The following ABCA4 variants were observed in gnomAD, a reference collection of about 807,000 sequenced individuals.
ABCA4 encodes the protein retinal-specific phospholipid-transporting ATPase ABCA4.
ABCA4 carries 196 observed loss-of-function variants against 263.7 expected under a neutral mutation model. The ratio of observed to expected loss-of-function variants is 0.74; its 90% CI spans 0.66 to 0.84. The LOEUF is 0.84. ABCA4 is among the 40% of genes least tolerant of loss of function. ABCA4 has a pLI of 0.00. For missense variants in ABCA4, 2,792 were observed against 2,855.1 expected (o/e 0.98, Z 0.50); for synonymous variants, 1,133 against 1,094.2 (o/e 1.04, Z -0.70).
chr1:94,030,615 C>T (rs1379676799), intron 28 of ABCA4, 89 bp from the exon 29 acceptor site: 2 of 1,288,446 alleles, frequency 1.6e-6, no homozygotes, highest in Non-Finnish European at 2.3e-6. Context: ...CTGCTGTGTG[C>T]CAGGTATGTA....
chr1:94,021,725 T>C lies in ABCA4; in HGVS notation c.4774-11A>G. The C allele has an allele frequency of 6.2e-7, 1 of 1,606,576 alleles. No homozygotes were observed. Among genetic ancestry groups the C allele is most frequent in the Non-Finnish European group, 8.5e-7 (1 of 1,176,036 alleles). ...TCTAGTGATAGGGCCCTAAAAACCA[T>C]GTAAACAAACAAACAAGACGGTTTT... On this transcript the variant is annotated splice_polypyrimidine_tract_variant and intron_variant, in intron 33 of 49. Coordinates refer to ENST00000370225, the MANE Select transcript of ABCA4 (RefSeq NM_000350.3).
chr1:93,995,087 A>T (rs1322177211), intron 49 of ABCA4, among the ~76,000 whole-genome samples: 1 of 151,374 alleles, frequency 6.6e-6, no homozygotes, highest in Non-Finnish European at 1.5e-5. Flanking sequence ...GTAAAAGCAA[A>T]CTTTCTGTAA....
In ABCA4 at chr1:94,062,627, T is replaced by G. The variant is rs1335801877; in HGVS notation, c.1887A>C (p.Pro629=). 2 of 1,613,644 alleles carry G rather than the reference T, an allele frequency of 1.2e-6. No homozygotes were observed. The highest frequency in any genetic ancestry group is 1.1e-5 in the South Asian group (1 of 91,062). Residue 629 remains proline, a synonymous_variant, in exon 13 of 50, where the codon CCA becomes CCC. Coordinates refer to ENST00000370225, the MANE Select transcript of ABCA4 (RefSeq NM_000350.3). ...ITRSQVQAEA[P]VGIYLQQMPY... The stretch of plus-strand genomic sequence containing the variant: ...GCATCTGCTGGAGGTAGATTCCAAC[T>G]GGAGCCTCCGCCTGCACCTGGCTCC...
At chr1:94,058,653 C>T (rs991250512) in intron 14 of ABCA4, among the ~76,000 whole-genome samples, 3 of 152,352 alleles carry the variant, frequency 2.0e-5, no homozygotes, top group East Asian at 1.9e-4. Flanking sequence ...TGAGCCACCA[C>T]GCCCAGCCTG....
chr1:94,091,576 ATC>A (rs1291965617), intron 6 of ABCA4, among the ~76,000 whole-genome samples: 19 of 120,218 alleles, frequency 1.6e-4, no homozygotes, highest in African/African-American at 5.4e-4. Context: ...GGCAAACATC[ATC>A]TCACACACAC....
intron 19 of ABCA4, 146 bp from the exon 20 acceptor site, chr1:94,044,890 G>C: frequency 1.7e-6 from 2 of 1,155,342 alleles, no homozygotes; most frequent in South Asian, 2.6e-5. Flanking sequence ...TAGCTGTGGG[G>C]CCCCCTTAGC....
Position 94,042,907 on chromosome 1 carries a change from A to T in ABCA4, c.3191-9T>A. 6.2e-7 allele frequency: 1 copy of T among 1,614,198 alleles called. No homozygotes were observed. The highest frequency in any genetic ancestry group is 8.5e-7 in the Non-Finnish European group (1 of 1,180,040). Reference sequence around the variant, plus strand: ...CTTTCTCTGCATGCCACCTGGAGGCACAAGAAGGACGGGAGAGTTAAGGGG... The same window carrying T: ...CTTTCTCTGCATGCCACCTGGAGGCTCAAGAAGGACGGGAGAGTTAAGGGG... On this transcript the variant is annotated splice_polypyrimidine_tract_variant and intron_variant, in intron 21 of 49. Coordinates refer to ENST00000370225, the MANE Select transcript of ABCA4 (RefSeq NM_000350.3).
chr1:94,047,178 GCC>G, intron 18 of ABCA4, 85 bp from the exon 19 acceptor site: 2 of 1,477,416 alleles, frequency 1.4e-6, no homozygotes, highest in Middle Eastern at 1.7e-4. Context: ...CTTGTATTCT[GCC>G]TATAACGTCA....
intron 11 of ABCA4, among the ~76,000 whole-genome samples, chr1:94,063,948 A>C (rs937006256): frequency 2.0e-5 from 3 of 150,900 alleles, no homozygotes; most frequent in South Asian, 2.1e-4. Flanking sequence ...AAAAAAAAAA[A>C]CCATTACCCA....
At chr1:94,099,046 C>T (rs1343959122) in intron 5 of ABCA4, 55 bp from the exon 6 acceptor site, 20 of 1,546,598 alleles carry the variant, frequency 1.3e-5, no homozygotes, top group African/African-American at 4.1e-5. Context: ...AAGACACCCA[C>T]GTCCTAACCC....
chr1:94,033,678 A>C (rs1660268563), intron 26 of ABCA4, among the ~76,000 whole-genome samples: 1 of 152,076 alleles, frequency 6.6e-6, no homozygotes, highest in Admixed American at 6.5e-5. Context: ...GACAGTTGTA[A>C]AGGGAATTGG....
At chr1:94,047,117 G>A (rs1660708821) in intron 18 of ABCA4, 24 bp from the exon 19 acceptor site, 2 of 1,613,536 alleles carry the variant, frequency 1.2e-6, no homozygotes, top group Non-Finnish European at 1.7e-6. Flanking sequence ...AAATGAACAT[G>A]ATGTAAACAT....
intron 30 of ABCA4, among the ~76,000 whole-genome samples, chr1:94,028,994 T>C (rs975803684): frequency 3.3e-5 from 5 of 150,742 alleles, no homozygotes; most frequent in African/African-American, 1.2e-4. Flanking sequence ...TTTATTGACA[T>C]GGATGCATGT....
chr1:94,064,187 A>G (rs4847273), intron 11 of ABCA4, among the ~76,000 whole-genome samples: 44,327 of 152,148 alleles, frequency 0.29, 6,962 homozygotes, highest in East Asian at 0.68. Flanking sequence ...CATACTGAGA[A>G]TCTGCAATGT....
intron 1 of ABCA4, among the ~76,000 whole-genome samples, chr1:94,118,315 T>C (rs941245328): frequency 6.6e-6 from 1 of 152,202 alleles, no homozygotes; most frequent in Non-Finnish European, 1.5e-5. Context: ...CTGAAGATTT[T>C]CATCTTATGC....
At chr1:94,097,801 G>C (rs1232359964) in intron 6 of ABCA4, among the ~76,000 whole-genome samples, 1 of 152,184 alleles carries the variant, frequency 6.6e-6, no homozygotes, top group Non-Finnish European at 1.5e-5. Flanking sequence ...CCAGGCTGGA[G>C]TGCAGTGGCG....
At chr1:94,023,830 T>C (rs1317765466) in intron 31 of ABCA4, among the ~76,000 whole-genome samples, 1 of 152,174 alleles carries the variant, frequency 6.6e-6, no homozygotes, top group African/African-American at 2.4e-5. Flanking sequence ...GAGTTCCGAC[T>C]CACTCCACAG....
Position 94,019,019 on chromosome 1 carries a change from G to GTTTTTTTTTTT in ABCA4, c.5196+552_5196+562dup, listed in dbSNP as rs757258025. Among the ~76,000 whole-genome samples, 43 of 76,436 alleles carry GTTTTTTTTTTT rather than the reference G, an allele frequency of 5.6e-4. 2 individuals are homozygous for GTTTTTTTTTTT. Among genetic ancestry groups the GTTTTTTTTTTT allele is most frequent in the African/African-American group, 2.6e-3 (43 of 16,242 alleles). The allele number at this position is 76,436 out of a possible 152,430, so 50.1% of individuals were successfully genotyped here. ...ATTTGAGTTTCAGATAAACAACCAG[G>GTTTTTTTTTTT]TTTTTTTTTTTTTTTTTTTTTTTTT... On this transcript the variant is annotated intron_variant, in intron 36 of 49. Transcript: ENST00000370225.
chr1:94,060,449 A>T, intron 14 of ABCA4, 88 bp downstream of exon 14: 1 of 1,264,536 alleles, frequency 7.9e-7, no homozygotes. Context: ...CTTGGTGGCC[A>T]CATGACTAAT....
Sources: gnomAD v4.1 joint callset for allele counts (sites outside exome capture counted in the v4.1 genomes callset) on GRCh38, gnomAD v4.1.1 for gene constraint, MANE v1.5 for transcripts, NCBI Gene and HGNC (gene_info 2026-07-23, HGNC 2026-07-21) for gene names.